CSMD1: variants seen among roughly 807,000 people sequenced by gnomAD.
CSMD1 encodes CUB and Sushi multiple domains 1, also known as CUB and sushi domain-containing protein 1.
In CSMD1, 213 loss-of-function variants were observed where a neutral mutation model predicts 417.5. The ratio of observed to expected loss-of-function variants is 0.51; its 90% CI spans 0.46 to 0.57. The LOEUF is 0.57. CSMD1 is among the 20% of genes least tolerant of loss of function. The pLI is 0.00. For missense variants in CSMD1, 6,923 were observed against 4,529.7 expected (o/e 1.53, Z -15.17); for synonymous variants, 2,862 against 1,736.8 (o/e 1.65, Z -16.11).
At chr8:4,259,703 C>T (rs1045634542) in intron 3 of CSMD1, among the ~76,000 whole-genome samples, 1 of 152,050 alleles carries the variant, frequency 6.6e-6, no homozygotes, top group Non-Finnish European at 1.5e-5. Context: ...ATCATGTACA[C>T]ATTTCAATAA....
chr8:4,021,736 T>C (rs1241852132), intron 4 of CSMD1, among the ~76,000 whole-genome samples: 1 of 152,156 alleles, frequency 6.6e-6, no homozygotes, highest in African/African-American at 2.4e-5. Flanking sequence ...TCCCTTTACC[T>C]ATCCCCGTCC....
At chr8:4,222,329 A>G (rs1801079876) in intron 3 of CSMD1, among the ~76,000 whole-genome samples, 1 of 151,816 alleles carries the variant, frequency 6.6e-6, no homozygotes. Flanking sequence ...GGGATACAGT[A>G]GGTATCAGTG....
rs115058246 is a variant in CSMD1, at chr8:4,424,179, T to A, written c.303-4114A>T. Among the ~76,000 whole-genome samples the A allele has an allele frequency of 7.8e-3, 1,184 of 152,100 alleles. 15 individuals carry two copies. Among genetic ancestry groups the A allele is most frequent in the African/African-American group, 0.028 (1,143 of 41,528 alleles). ...ACCAAAATTACAAACCAGAAAAAGA[T>A]AAGTTAATAAATTGGATTTCATAAA... On this transcript the variant is annotated intron_variant, in intron 2 of 69. Coordinates refer to ENST00000635120, the MANE Select transcript of CSMD1 (RefSeq NM_033225.6).
chr8:4,352,794 G>T (rs1584944166), intron 3 of CSMD1, among the ~76,000 whole-genome samples: 1 of 152,206 alleles, frequency 6.6e-6, no homozygotes, highest in East Asian at 1.9e-4. Context: ...ATGTGGACAT[G>T]GCTGTTGCCG....
At chr8:3,664,438 G>C (rs532878714) in intron 7 of CSMD1, among the ~76,000 whole-genome samples, 1 of 152,016 alleles carries the variant, frequency 6.6e-6, no homozygotes, top group East Asian at 1.9e-4. Flanking sequence ...TGTTATTCTG[G>C]GCAAAATGGA....
intron 1 of CSMD1, among the ~76,000 whole-genome samples, chr8:4,754,738 A>T (rs960748586): frequency 1.3e-5 from 2 of 151,944 alleles, no homozygotes; most frequent in African/African-American, 4.8e-5. Context: ...AGTCCCAGCT[A>T]CTCAGGAGGC....
intron 4 of CSMD1, among the ~76,000 whole-genome samples, chr8:3,999,502 C>G (rs1329692960): frequency 6.6e-6 from 1 of 152,064 alleles, no homozygotes; most frequent in Non-Finnish European, 1.5e-5. Context: ...AAAATAGAAC[C>G]AATCTTGTCG....
intron 5 of CSMD1, among the ~76,000 whole-genome samples, chr8:3,819,983 T>G (rs956328502): frequency 6.6e-6 from 1 of 152,208 alleles, no homozygotes; most frequent in African/African-American, 2.4e-5. Context: ...GTCCCCAGAC[T>G]TGAATCCCTT....
chr8:4,375,200 C>G (rs959539401), intron 3 of CSMD1, among the ~76,000 whole-genome samples: 7 of 152,064 alleles, frequency 4.6e-5, no homozygotes, highest in African/African-American at 1.7e-4. Flanking sequence ...GTTTTCAAGT[C>G]TTTGCCCACG....
chr8:4,238,321 G>T (rs1172161439), intron 3 of CSMD1, among the ~76,000 whole-genome samples: 3 of 152,170 alleles, frequency 2.0e-5, no homozygotes, highest in South Asian at 2.1e-4. Flanking sequence ...GTCCTCCTCA[G>T]CATGTGCGCG....
intron 5 of CSMD1, among the ~76,000 whole-genome samples, chr8:3,756,275 C>T (rs867673218): frequency 6.6e-6 from 1 of 151,218 alleles, no homozygotes; most frequent in African/African-American, 2.4e-5. Flanking sequence ...ATGGCGTGAA[C>T]CTGGGAGGCA....
intron 5 of CSMD1, among the ~76,000 whole-genome samples, chr8:3,883,665 C>CACTA: frequency 6.6e-6 from 1 of 152,112 alleles, no homozygotes; most frequent in East Asian, 1.9e-4. Flanking sequence ...TATTAATTTA[C>CACTA]ACTAACTTCT....
chr8:3,650,994 T>C (rs146427074), intron 7 of CSMD1, among the ~76,000 whole-genome samples: 28 of 152,330 alleles, frequency 1.8e-4, no homozygotes, highest in African/African-American at 6.5e-4. Flanking sequence ...TTTAGTTCCT[T>C]AGACCAAAAA....
At chr8:3,686,500 AG>A (rs1204873298) in intron 7 of CSMD1, among the ~76,000 whole-genome samples, 1 of 152,214 alleles carries the variant, frequency 6.6e-6, no homozygotes, top group African/African-American at 2.4e-5. Flanking sequence ...CTTAAAAAAA[AG>A]CCAGTTACAA....
chr8:3,350,543 C>T (rs1169892124), intron 21 of CSMD1, among the ~76,000 whole-genome samples: 1 of 152,056 alleles, frequency 6.6e-6, no homozygotes, highest in African/African-American at 2.4e-5. Flanking sequence ...CTTACATGTA[C>T]TTTAAAATTA....
At chr8:4,746,040 G>C (rs1018238334) in intron 1 of CSMD1, among the ~76,000 whole-genome samples, 2 of 152,204 alleles carry the variant, frequency 1.3e-5, no homozygotes, top group African/African-American at 2.4e-5. Flanking sequence ...ATGAAATTGA[G>C]TTTTTATTAA....
At chr8:4,630,935 G>T (rs1337332468) in intron 2 of CSMD1, among the ~76,000 whole-genome samples, 1 of 152,124 alleles carries the variant, frequency 6.6e-6, no homozygotes, top group African/African-American at 2.4e-5. Context: ...CTGCACGGCT[G>T]CCCCAGTGCC....
chr8:3,924,670 T>A (rs1054260727), intron 5 of CSMD1, among the ~76,000 whole-genome samples: 4 of 152,232 alleles, frequency 2.6e-5, no homozygotes, highest in Non-Finnish European at 5.9e-5. Flanking sequence ...ATTTTTTCAG[T>A]GTAATCATTG....
chr8:3,507,755 G>T (rs542637127), intron 10 of CSMD1, among the ~76,000 whole-genome samples: 7 of 152,192 alleles, frequency 4.6e-5, no homozygotes, highest in Non-Finnish European at 8.8e-5. Context: ...CTGATGGCCA[G>T]TGATGATGAG....
Sources: allele counts gnomAD v4.1 joint callset (sites outside exome capture counted in the v4.1 genomes callset), GRCh38; gene constraint gnomAD v4.1.1; transcripts MANE v1.5; gene names NCBI Gene and HGNC (gene_info 2026-07-23, HGNC 2026-07-21).